Variants in TLE5 observed in about 807,000 individuals in gnomAD.
TLE5 encodes the protein TLE family member 5.
A neutral mutation model predicts 25.8 loss-of-function variants in TLE5; 7 were observed. The ratio of observed to expected loss-of-function variants is 0.27; its 90% CI spans 0.15 to 0.51. The LOEUF (loss-of-function observed/expected upper bound fraction) is 0.51. Ranked by LOEUF, TLE5 falls within the 20% of genes least tolerant of loss-of-function variation. The pLI is 0.97. For synonymous variants in TLE5, 132 were observed against 110.5 expected, an observed-to-expected ratio of 1.20 and a Z score of -1.22; for missense variants, 149 against 250.7, an observed-to-expected ratio of 0.59 and a Z score of 2.74.
chr19:3,059,215 A>T (rs2090244302), intron 2 of TLE5, among the ~76,000 whole-genome samples: 1 of 152,124 alleles, frequency 6.6e-6, no homozygotes, highest in African/African-American at 2.4e-5. Flanking sequence ...CATTAAAAAC[A>T]AAAACAAAAA....
chr19:3,054,086 T>TGGGGGGGGGCGC, intron 6 of TLE5, 34 bp downstream of exon 6: 1 of 1,512,816 alleles, frequency 6.6e-7, no homozygotes, highest in Non-Finnish European at 8.9e-7. Context: ...GGCCCACCTG[T>TGGGGGGGGGCGC]CCCCCGCCCA....
At chr19:3,056,392 G>T in intron 3 of TLE5, 36 bp from the exon 4 acceptor site, 1 of 564,884 alleles carries the variant, frequency 1.8e-6, no homozygotes. Flanking sequence ...CGGGAGATGG[G>T]GGTGGGGAAG....
At chr19:3,057,858 A>C in intron 2 of TLE5, 116 bp from the exon 3 acceptor site, 2 of 917,256 alleles carry the variant, frequency 2.2e-6, no homozygotes, top group Non-Finnish European at 3.5e-6. Context: ...GGGCAAGATC[A>C]GCCAATTCTC....
Position 3,053,428 on chromosome 19 carries a change from AC to A in TLE5, c.*390del. ...GCAGCTAGCATTGCGTGCATGCAGT[AC>A]CAGGGTGAGAGGGCTGTGGCCCAGG... On this transcript the variant is annotated 3_prime_UTR_variant, in exon 7 of 7. Transcript: ENST00000327141. The A allele has an allele frequency of 4.2e-6, 1 of 240,076 alleles. No homozygotes were observed. Among genetic ancestry groups the A allele is most frequent in the Non-Finnish European group, 8.2e-6 (1 of 122,390 alleles). 14.9% of individuals were successfully genotyped at this position (240,076 alleles called of 1,614,324 possible). A position where few individuals can be genotyped will look rare whatever the true frequency, so the allele number is the denominator to read the frequency against.
At chr19:3,060,328 CTTTTTTTTTTT>C (rs990199468) in intron 2 of TLE5, among the ~76,000 whole-genome samples, 7 of 93,216 alleles carry the variant, frequency 7.5e-5, no homozygotes, top group Admixed American at 1.3e-4. Flanking sequence ...TTTTTTCTTT[CTTTTTTTTTTT>C]TTTTTTTTTT....
Position 3,056,295 on chromosome 19 carries a change from G to A in TLE5, c.234+17C>T. ...GGAAGGAGGAGGAGGAGGAGGAGGA[G>A]GAGGAGATGGGCGTACCTGTTTGTG... is the stretch of plus-strand genomic sequence containing the variant. On this transcript the variant is annotated intron_variant, in intron 4 of 6. Coordinates refer to ENST00000327141, the MANE Select transcript of TLE5 (RefSeq NM_001130.6). 1 of 1,518,388 alleles carries A rather than the reference G, an allele frequency of 6.6e-7. No homozygotes were observed. Among genetic ancestry groups the A allele is most frequent in the South Asian group, 1.3e-5 (1 of 79,904 alleles). 94.1% of individuals were successfully genotyped at this position (1,518,388 alleles called of 1,614,324 possible).
In TLE5 at chr19:3,053,483, G is replaced by A. The variant is rs1355011784; in HGVS notation, c.*336C>T. 9 of 372,906 alleles carry A rather than the reference G, an allele frequency of 2.4e-5. No homozygotes were observed. The highest frequency in any genetic ancestry group is 7.4e-5 in the South Asian group (2 of 26,878). The allele number at this position is 372,906 out of a possible 1,614,324, so 23.1% of individuals were successfully genotyped here. ...ACTGTCGGTTACACATGTTCAAAAC[G>A]GGGGAAGGGCCGGGGCTGCTGCGCT... On this transcript the variant is annotated 3_prime_UTR_variant, in exon 7 of 7. Coordinates refer to ENST00000327141, the MANE Select transcript of TLE5 (RefSeq NM_001130.6).
rs1364867190 is a variant in TLE5, at chr19:3,053,413, T to C, written c.*406A>G. The stretch of plus-strand genomic sequence containing the variant: ...CAGGACGGGAAAGGGGCAGCTAGCA[T>C]TGCGTGCATGCAGTACCAGGGTGAG... On this transcript the variant is annotated 3_prime_UTR_variant, in exon 7 of 7. Coordinates refer to ENST00000327141, the MANE Select transcript of TLE5 (RefSeq NM_001130.6). The C allele has an allele frequency of 5.5e-6, 1 of 181,416 alleles. No individual in the cohort carries two copies. The highest frequency in any genetic ancestry group is 1.1e-5 in the Non-Finnish European group (1 of 86,972). The allele number at this position is 181,416 out of a possible 1,614,324, so 11.2% of individuals were successfully genotyped here. A position where few individuals can be genotyped will look rare whatever the true frequency, so the allele number is the denominator to read the frequency against.
rs189241408 is a variant in TLE5, at chr19:3,055,174, G to A, written c.297+490C>T. 48 of 153,050 alleles carry A rather than the reference G, an allele frequency of 3.1e-4. 2 individuals carry two copies. The highest frequency in any genetic ancestry group is 2.2e-3 in the Admixed American group (33 of 15,324). The allele number at this position is 153,050 out of a possible 1,614,324, so 9.5% of individuals were successfully genotyped here. ...GCTGTCTGCACACACGTGTATCCGT[G>A]TCTGCATCTGTGTATCTCCCGTGTG... On this transcript the variant is annotated intron_variant, in intron 5 of 6. Transcript: ENST00000327141.
intron 1 of TLE5, 35 bp downstream of exon 1, chr19:3,062,138 CG>C: frequency 8.5e-6 from 7 of 820,130 alleles, no homozygotes; most frequent in Non-Finnish European, 9.8e-6. Flanking sequence ...GGCCCGGATC[CG>C]GGGTGGGGGC....
intron 2 of TLE5, among the ~76,000 whole-genome samples, chr19:3,058,631 G>T (rs1013360204): frequency 1.3e-5 from 2 of 152,190 alleles, no homozygotes; most frequent in Non-Finnish European, 2.9e-5. Context: ...GGCCAGTCCG[G>T]GTGGCTGACA....
intron 1 of TLE5, 92 bp from the exon 2 acceptor site, chr19:3,061,349 G>GC (rs915664989): frequency 2.6e-5 from 24 of 932,394 alleles, no homozygotes; most frequent in Non-Finnish European, 2.4e-5. Context: ...CAGCTGCGGC[G>GC]CCCCCCCTCC....
chr19:3,054,611 T>C (rs1174468377), intron 5 of TLE5: 2 of 186,444 alleles, frequency 1.1e-5, no homozygotes, highest in African/African-American at 4.7e-5. Flanking sequence ...GCTCCAAGAC[T>C]GTGCCCTGAG....
intron 1 of TLE5, 67 bp downstream of exon 1, chr19:3,062,100 GGCCGGGA>G (rs1239347248): frequency 5.3e-5 from 42 of 789,258 alleles, no homozygotes; most frequent in Non-Finnish European, 6.1e-5. Context: ...GGGGGCGCGG[GGCCGGGA>G]GCCGGGGGTC....
chr19:3,053,794 C>T lies in TLE5; in HGVS notation c.*25G>A, dbSNP rs780268261. On this transcript the variant is annotated 3_prime_UTR_variant, in exon 7 of 7. Coordinates refer to ENST00000327141, the MANE Select transcript of TLE5 (RefSeq NM_001130.6). Reference sequence around the variant, plus strand: ...CTCTGTCTCCCCTCTGTCCCCCCTCCCAACCTCCCTGTCCCGGCCCCCTGC... The same window carrying T: ...CTCTGTCTCCCCTCTGTCCCCCCTCTCAACCTCCCTGTCCCGGCCCCCTGC... The T allele has an allele frequency of 6.2e-7, 1 of 1,608,438 alleles. No homozygotes were observed. Among genetic ancestry groups the T allele is most frequent in the Non-Finnish European group, 8.5e-7 (1 of 1,176,922 alleles).
At chr19:3,062,884 G>A, upstream of TLE5, 2 of 1,352,334 alleles carry the variant, frequency 1.5e-6, no homozygotes, top group South Asian at 1.2e-5. Context: ...CAGAAAGGCA[G>A]CGGTAATGCC....
intron 3 of TLE5, chr19:3,057,430 G>T: frequency 1.9e-6 from 1 of 529,904 alleles, no homozygotes; most frequent in Non-Finnish European, 3.4e-6. Flanking sequence ...GCCAAGGACA[G>T]CCGGGGGACC....
intron 1 of TLE5, among the ~76,000 whole-genome samples, chr19:3,061,892 G>A (rs983317272): frequency 2.8e-5 from 4 of 145,178 alleles, no homozygotes; most frequent in Non-Finnish European, 4.6e-5. Context: ...GGGTTGGGGG[G>A]GGGGGGCGCC....
chr19:3,061,315 G>T (rs2090265237), intron 1 of TLE5, 58 bp from the exon 2 acceptor site: 3 of 1,419,122 alleles, frequency 2.1e-6, no homozygotes, highest in Non-Finnish European at 3.0e-6. Context: ...CCCCTCAAGG[G>T]CCGGCTAGGA....
Sources: allele counts gnomAD v4.1 joint callset (sites outside exome capture counted in the v4.1 genomes callset), GRCh38; gene constraint gnomAD v4.1.1; transcripts MANE v1.5; gene names NCBI Gene and HGNC (gene_info 2026-07-23, HGNC 2026-07-21).